The following TBC1D22A variants were observed in gnomAD, a reference collection of about 807,000 sequenced individuals.
The protein encoded by TBC1D22A is TBC1 domain family member 22A.
In TBC1D22A, 38 loss-of-function variants were observed where a neutral mutation model predicts 60.2. The ratio of observed to expected loss-of-function variants is 0.63; its 90% CI spans 0.49 to 0.83. The LOEUF (loss-of-function observed/expected upper bound fraction) is 0.83, where lower values mean the gene tolerates loss of function less well. Ranked by LOEUF, TBC1D22A falls within the 40% of genes least tolerant of loss-of-function variation. TBC1D22A has a pLI of 0.00. For missense variants in TBC1D22A, 628 were observed against 701.0 expected, an observed-to-expected ratio of 0.90 and a Z score of 1.18; for synonymous variants, 302 against 281.7, an observed-to-expected ratio of 1.07 and a Z score of -0.72.
At chr22:46,786,862 G>T (rs953920943) in intron 1 of TBC1D22A, among the ~76,000 whole-genome samples, 1 of 151,854 alleles carries the variant, frequency 6.6e-6, no homozygotes, top group South Asian at 2.1e-4. Flanking sequence ...TAGTTTTTTG[G>T]TTTTTAATAG....
At chr22:46,991,412 A>T (rs2074934993) in intron 9 of TBC1D22A, among the ~76,000 whole-genome samples, 1 of 152,180 alleles carries the variant, frequency 6.6e-6, no homozygotes. Context: ...CACAATCAAG[A>T]TTCAGAATGG....
chr22:46,910,819 G>GT (rs1259818881), intron 7 of TBC1D22A, among the ~76,000 whole-genome samples: 1 of 150,960 alleles, frequency 6.6e-6, no homozygotes, highest in Admixed American at 6.6e-5. Context: ...AGAGGTAGGA[G>GT]TACGGGCTGA....
intron 8 of TBC1D22A, among the ~76,000 whole-genome samples, chr22:46,963,725 C>G (rs572917577): frequency 2.0e-5 from 3 of 152,368 alleles, no homozygotes; most frequent in African/African-American, 7.2e-5. Context: ...GCTGAGCAGG[C>G]TCTTCTGCAT....
At chr22:47,056,010 T>C (rs2063382739) in intron 11 of TBC1D22A, among the ~76,000 whole-genome samples, 2 of 146,954 alleles carry the variant, frequency 1.4e-5, no homozygotes, top group South Asian at 2.2e-4. Flanking sequence ...TTGGGACTGT[T>C]GGACTGAGCA....
intron 11 of TBC1D22A, among the ~76,000 whole-genome samples, chr22:47,055,364 G>A (rs1182619035): frequency 6.6e-6 from 1 of 152,252 alleles, no homozygotes; most frequent in African/African-American, 2.4e-5. Flanking sequence ...CTGGCAAACT[G>A]ATGCCGGAGT....
chr22:46,941,608 GCGGAA>G (rs1569248709), intron 8 of TBC1D22A, among the ~76,000 whole-genome samples: 1 of 129,920 alleles, frequency 7.7e-6, no homozygotes, highest in Non-Finnish European at 1.7e-5. Flanking sequence ...ATATATATAC[GCGGAA>G]TATATATACG....
chr22:46,823,306 T>G (rs2085907261), intron 4 of TBC1D22A, among the ~76,000 whole-genome samples: 1 of 152,226 alleles, frequency 6.6e-6, no homozygotes, highest in African/African-American at 2.4e-5. Flanking sequence ...TAGGCTTATA[T>G]ACATAATGCA....
chr22:46,972,309 TGTGCCTG>T, intron 8 of TBC1D22A, among the ~76,000 whole-genome samples: 1 of 152,340 alleles, frequency 6.6e-6, no homozygotes, highest in Non-Finnish European at 1.5e-5. Flanking sequence ...CACTCATGTC[TGTGCCTG>T]GTGCCTGGTG....
intron 10 of TBC1D22A, among the ~76,000 whole-genome samples, chr22:47,016,803 C>A (rs552403223): frequency 6.6e-6 from 1 of 152,356 alleles, no homozygotes; most frequent in Non-Finnish European, 1.5e-5. Context: ...CTCTGCCTGC[C>A]TGGGTGGCAT....
chr22:46,915,486 A>G (rs73478592), intron 8 of TBC1D22A: 28,261 of 456,592 alleles, frequency 0.062, 1,850 homozygotes, highest in African/African-American at 0.22. Context: ...GTGACCGCTC[A>G]TACACCTTTG....
chr22:47,172,033 GCCTACCCAGCACT>G lies in TBC1D22A; in HGVS notation c.1426-1462_1426-1450del, dbSNP rs1465660069. ...TGTGCCTACCCAGCACTCCCAGTGA[GCCTACCCAGCACT>G]CCCAGTGAGCCTACCCAGCACTCCC... On this transcript the variant is annotated intron_variant, in intron 12 of 12. Coordinates refer to ENST00000337137, the MANE Select transcript of TBC1D22A (RefSeq NM_014346.5). Among the ~76,000 whole-genome samples, 359 of 101,610 alleles carry G rather than the reference GCCTACCCAGCACT, an allele frequency of 3.5e-3. 5 individuals carry two copies. The highest frequency in any genetic ancestry group is 0.013 in the African/African-American group (339 of 26,598). The allele number at this position is 101,610 out of a possible 152,430, so 66.7% of individuals were successfully genotyped here.
intron 12 of TBC1D22A, among the ~76,000 whole-genome samples, chr22:47,147,912 T>C (rs527452861): frequency 6.6e-6 from 1 of 152,306 alleles, no homozygotes; most frequent in South Asian, 2.1e-4. Flanking sequence ...CACTGAGGGC[T>C]TGGCATGAAG....
chr22:47,173,528 A>T lies in TBC1D22A; in HGVS notation c.1456A>T (p.Thr486Ser). Residue 486 changes from threonine (T) to serine (S), a missense_variant, in exon 13 of 13, where the codon ACA (threonine) becomes TCA (serine). Transcript: ENST00000337137. ...ELLLFLQNLP[T>S]AHWDDEDISL... ...GCTGCTCTTCCTCCAGAACCTGCCC[A>T]CAGCCCACTGGGATGATGAGGACAT... is the stretch of plus-strand genomic sequence containing the variant. The T allele has an allele frequency of 6.2e-7, 1 of 1,614,062 alleles. No homozygotes were observed. The highest frequency in any genetic ancestry group is 8.5e-7 in the Non-Finnish European group (1 of 1,180,006).
At chr22:47,035,747 G>C (rs1042845003) in intron 10 of TBC1D22A, among the ~76,000 whole-genome samples, 14 of 152,174 alleles carry the variant, frequency 9.2e-5, no homozygotes, top group Non-Finnish European at 2.9e-5. Flanking sequence ...CAGCTTAGTG[G>C]AGCCTGCTTG....
intron 5 of TBC1D22A, among the ~76,000 whole-genome samples, chr22:46,881,529 G>C (rs764854677): frequency 6.6e-6 from 1 of 152,200 alleles, no homozygotes; most frequent in Non-Finnish European, 1.5e-5. Flanking sequence ...GTCAGACCAC[G>C]CATTCAGAGA....
chr22:47,146,528 C>A (rs2067292391), intron 12 of TBC1D22A, among the ~76,000 whole-genome samples: 1 of 152,242 alleles, frequency 6.6e-6, no homozygotes, highest in African/African-American at 2.4e-5. Context: ...GTCCTCACCA[C>A]CCATGGCACA....
chr22:46,792,084 A>G (rs925555129), intron 1 of TBC1D22A, among the ~76,000 whole-genome samples: 8 of 152,180 alleles, frequency 5.3e-5, no homozygotes, highest in Non-Finnish European at 8.8e-5. Flanking sequence ...AAAAAATTAT[A>G]TTTATCTTTT....
chr22:47,033,211 G>A (rs754576908), intron 10 of TBC1D22A, among the ~76,000 whole-genome samples: 1 of 152,220 alleles, frequency 6.6e-6, no homozygotes, highest in African/African-American at 2.4e-5. Flanking sequence ...CAGAGGTCAG[G>A]CCTGGATGGT....
intron 8 of TBC1D22A, among the ~76,000 whole-genome samples, chr22:46,950,918 A>G (rs2072865367): frequency 6.6e-6 from 1 of 152,200 alleles, no homozygotes; most frequent in African/African-American, 2.4e-5. Flanking sequence ...GAAGTTCCTT[A>G]TAAATAATCT....
Sources: allele counts gnomAD v4.1 joint callset (sites outside exome capture counted in the v4.1 genomes callset), GRCh38; gene constraint gnomAD v4.1.1; transcripts MANE v1.5; gene names NCBI Gene and HGNC (gene_info 2026-07-23, HGNC 2026-07-21).